The following DRICH1 variants were observed in gnomAD, a reference collection of about 807,000 sequenced individuals.
DRICH1 encodes aspartate-rich protein 1.
DRICH1 carries 38 observed loss-of-function variants against 39.5 expected under a neutral mutation model. The ratio of observed to expected loss-of-function variants is 0.96; its 90% confidence interval spans 0.74 to 1.26. The LOEUF is 1.26. DRICH1 is among the 50% of genes most tolerant of loss of function. The pLI, the probability that DRICH1 is intolerant of heterozygous loss-of-function variation, is 0.00. For missense variants in DRICH1, 279 were observed against 270.4 expected, an observed-to-expected ratio of 1.03 and a Z score of -0.22; for synonymous variants, 84 against 99.5, an observed-to-expected ratio of 0.84 and a Z score of 0.93.
At chr22:23,589,492 A>G in the DRICH1 span, among the ~76,000 whole-genome samples, 1 of 150,170 alleles carries the variant, frequency 6.7e-6, no homozygotes, top group African/African-American at 2.4e-5. Context: ...ATATATATAT[A>G]TGTGTGTATG....
chr22:23,585,830 G>A, the DRICH1 span, among the ~76,000 whole-genome samples: 289 of 152,254 alleles, frequency 1.9e-3, no homozygotes, highest in African/African-American at 6.6e-3. Context: ...CCATATATTG[G>A]TTATTGATTT....
chr22:23,600,312 C>A, the DRICH1 span, among the ~76,000 whole-genome samples: 62 of 152,324 alleles, frequency 4.1e-4, no homozygotes, highest in African/African-American at 1.4e-3. Context: ...GGACCCACTT[C>A]CAGCTTCAGC....
Position 23,614,167 on chromosome 22 carries a change from C to A in DRICH1, c.589G>T (p.Asp197Tyr), listed in dbSNP as rs775997324. The change falls in exon 9 of 12, where the codon GAT (aspartate) becomes TAT (tyrosine). Residue 197 changes from aspartate to tyrosine, a missense_variant. Physicochemically the swap from Asp to Tyr is radical, Grantham distance 160. Transcript: ENST00000317749. The part of the protein sequence containing the change: ...LFLRCSLRHK[D>Y]EEEEDDDDIH... ...TCATCATCATCTTCTTCTTCTTCAT[C>A]TTTGTGTCTCAGTGAGCATCTTAAA... 8.7e-6 allele frequency: 14 copies of A among 1,613,828 alleles called. No homozygotes were observed. The African/African-American group carries it at 1.3e-4, about 15-fold the overall frequency.
At chr22:23,617,870 A>G (rs1446658125) in intron 6 of DRICH1, among the ~76,000 whole-genome samples, 3 of 152,196 alleles carry the variant, frequency 2.0e-5, no homozygotes, top group African/African-American at 7.2e-5. Context: ...AAAACAGTCA[A>G]CCCCAAATGG....
chr22:23,629,181 G>A (rs1051696784), intron 1 of DRICH1, among the ~76,000 whole-genome samples: 8 of 152,240 alleles, frequency 5.3e-5, no homozygotes, highest in African/African-American at 1.9e-4. Context: ...TGGGATTACA[G>A]GCACCCACCA....
chr22:23,584,986 T>C, the DRICH1 span, among the ~76,000 whole-genome samples: 4 of 152,176 alleles, frequency 2.6e-5, no homozygotes, highest in East Asian at 7.7e-4. Context: ...TCCTACAAAT[T>C]TTTATGTGGT....
At chr22:23,592,161 G>C in the DRICH1 span, among the ~76,000 whole-genome samples, 1 of 152,210 alleles carries the variant, frequency 6.6e-6, no homozygotes, top group Non-Finnish European at 1.5e-5. Flanking sequence ...GGGCCTGCAG[G>C]CTGGCCTTGA....
At position 23,620,675 on chromosome 22, in the gene DRICH1, A is replaced by G. The variant is rs1927669505; in HGVS notation, c.385-60T>C. 1.9e-6 allele frequency: 3 copies of G among 1,579,536 alleles called. No individual in the cohort carries two copies. The African/African-American group carries it at 4.0e-5, about 21-fold the overall frequency. ...AGATCAATTCTGCTGCACCCCTTAC[A>G]CAGATCTGTTATTCTCTTGATGACT... On this transcript the variant is annotated intron_variant, in intron 4 of 11. Coordinates refer to ENST00000317749, the MANE Select transcript of DRICH1 (RefSeq NM_016449.4).
At chr22:23,607,489 C>A (rs61034136), downstream of DRICH1, among the ~76,000 whole-genome samples, 1,907 of 151,992 alleles carry the variant, frequency 0.013, 53 homozygotes, top group African/African-American at 0.043. Flanking sequence ...AGTCACCGAC[C>A]CCCAGAGTCC....
the DRICH1 span, among the ~76,000 whole-genome samples, chr22:23,602,832 A>G: frequency 6.6e-6 from 1 of 152,148 alleles, no homozygotes; most frequent in African/African-American, 2.4e-5. Context: ...TAAAGTAGAA[A>G]TGTTTCAAAA....
rs1927428737 is a variant in DRICH1, at chr22:23,617,479, G to C, written c.519+96C>G. On this transcript the variant is annotated intron_variant, in intron 7 of 11. Transcript: ENST00000317749. ...GAAATCTCACTTTTACTGTTTTTCAGCTGCCTGAGTCCATTCTTTGGGATT... is the reference window on the plus strand; with the variant it reads ...GAAATCTCACTTTTACTGTTTTTCACCTGCCTGAGTCCATTCTTTGGGATT... 5.0e-6 allele frequency: 7 copies of C among 1,397,438 alleles called. No homozygotes were observed. In the East Asian group the frequency reaches 1.6e-4, roughly 32 times the overall value. 86.6% of individuals were successfully genotyped at this position (1,397,438 alleles called of 1,614,324 possible). A position where few individuals can be genotyped will look rare whatever the true frequency, so the allele number is the denominator to read the frequency against.
At chr22:23,603,963 C>G (rs1401783366), downstream of DRICH1, among the ~76,000 whole-genome samples, 1 of 152,174 alleles carries the variant, frequency 6.6e-6, no homozygotes. Context: ...CTGACATGAT[C>G]CCAGTGTTAA....
chr22:23,624,285 G>C (rs144705581), intron 3 of DRICH1: 34 of 985,218 alleles, frequency 3.5e-5, no homozygotes, highest in East Asian at 3.4e-4. Context: ...TTTTGCAGTG[G>C]CACAGGCAGA....
chr22:23,591,815 T>C, the DRICH1 span, among the ~76,000 whole-genome samples: 5 of 152,192 alleles, frequency 3.3e-5, 1 homozygote, highest in Non-Finnish European at 7.3e-5. Context: ...AAAATGGTTA[T>C]GGTTGGACCT....
chr22:23,598,244 T>G, the DRICH1 span, among the ~76,000 whole-genome samples: 1 of 149,858 alleles, frequency 6.7e-6, no homozygotes, highest in Non-Finnish European at 1.5e-5. Flanking sequence ...TTGACCAGAG[T>G]GAAGGCTGGG....
intron 2 of DRICH1, 66 bp from the exon 3 acceptor site, chr22:23,624,970 C>G: frequency 1.3e-6 from 2 of 1,547,582 alleles, no homozygotes; most frequent in Non-Finnish European, 1.8e-6. Context: ...CTACACAGAT[C>G]AGTTATTCTC....
At chr22:23,595,131 G>C in the DRICH1 span, among the ~76,000 whole-genome samples, 2 of 144,560 alleles carry the variant, frequency 1.4e-5, no homozygotes, top group Non-Finnish European at 3.1e-5. Context: ...AGGGAGAGAA[G>C]GAAGGGTTGG....
At chr22:23,624,375 GC>G in intron 3 of DRICH1, 1 of 978,092 alleles carries the variant, frequency 1.0e-6, no homozygotes, top group Non-Finnish European at 1.2e-6. Context: ...ATACTCAATA[GC>G]CCATAAACAT....
intron 11 of DRICH1, among the ~76,000 whole-genome samples, chr22:23,612,965 G>A (rs2123764913): frequency 6.6e-6 from 1 of 152,266 alleles, no homozygotes; most frequent in East Asian, 1.9e-4. Context: ...GACACCCAGT[G>A]CTTAGGCCTA....
Sources: gnomAD v4.1 joint callset for allele counts (sites outside exome capture counted in the v4.1 genomes callset) on GRCh38, gnomAD v4.1.1 for gene constraint, MANE v1.5 for transcripts, NCBI Gene and HGNC (gene_info 2026-07-23, HGNC 2026-07-21) for gene names.